LRRTM4: variants seen among roughly 807,000 people sequenced by gnomAD.
LRRTM4 encodes leucine rich repeat transmembrane neuronal 4.
In LRRTM4, 25 loss-of-function variants were observed where a neutral mutation model predicts 47.6. That is an observed-to-expected ratio of 0.53 (90% CI 0.38 to 0.73). The LOEUF is 0.73. Ranked by LOEUF, LRRTM4 falls within the 30% of genes least tolerant of loss-of-function variation. The pLI, the probability that LRRTM4 is intolerant of heterozygous loss-of-function variation, is 0.00. For missense variants in LRRTM4, 638 were observed against 713.4 expected, an observed-to-expected ratio of 0.89 and a Z score of 1.20; for synonymous variants, 311 against 269.5, an observed-to-expected ratio of 1.15 and a Z score of -1.51.
intron 3 of LRRTM4, among the ~76,000 whole-genome samples, chr2:76,898,339 A>AT (rs1673494637): frequency 6.6e-6 from 1 of 151,324 alleles, no homozygotes; most frequent in Admixed American, 6.7e-5. Flanking sequence ...TACATAGCTT[A>AT]TTTGAAAGGT....
chr2:76,753,309 C>T (rs1039073741), intron 3 of LRRTM4, among the ~76,000 whole-genome samples: 9 of 152,116 alleles, frequency 5.9e-5, no homozygotes, highest in African/African-American at 2.2e-4. Flanking sequence ...AAGGAATACA[C>T]TGAAGGGCCA....
At chr2:76,753,092 T>A (rs1282195628) in intron 3 of LRRTM4, among the ~76,000 whole-genome samples, 2 of 152,198 alleles carry the variant, frequency 1.3e-5, no homozygotes, top group African/African-American at 2.4e-5. Context: ...CACTTTAACA[T>A]AAATCACATT....
chr2:77,375,150 A>G (rs1054670749), intron 3 of LRRTM4, among the ~76,000 whole-genome samples: 1 of 151,650 alleles, frequency 6.6e-6, no homozygotes, highest in African/African-American at 2.4e-5. Context: ...TACAAATTTC[A>G]GATTTCTGCA....
chr2:76,919,888 C>T (rs1311040986), intron 3 of LRRTM4, among the ~76,000 whole-genome samples: 1 of 152,160 alleles, frequency 6.6e-6, no homozygotes, highest in Non-Finnish European at 1.5e-5. Context: ...CTTTCTCCAA[C>T]TTTAAACAGA....
At chr2:76,857,027 A>AT (rs1672172969) in intron 3 of LRRTM4, among the ~76,000 whole-genome samples, 1 of 151,914 alleles carries the variant, frequency 6.6e-6, no homozygotes, top group Non-Finnish European at 1.5e-5. Context: ...TATTTTCATT[A>AT]TTTTTTAAAA....
At chr2:77,185,145 T>A (rs1673465221) in intron 3 of LRRTM4, among the ~76,000 whole-genome samples, 1 of 152,142 alleles carries the variant, frequency 6.6e-6, no homozygotes, top group African/African-American at 2.4e-5. Context: ...TATTTAGTAA[T>A]CTTTGGAGAA....
chr2:77,027,891 C>T (rs1678509780), intron 3 of LRRTM4, among the ~76,000 whole-genome samples: 1 of 151,210 alleles, frequency 6.6e-6, no homozygotes. Context: ...TGAGAAACAG[C>T]AATACTGCTT....
intron 3 of LRRTM4, among the ~76,000 whole-genome samples, chr2:77,293,662 G>A (rs111516847): frequency 3.9e-5 from 6 of 152,220 alleles, no homozygotes; most frequent in African/African-American, 1.4e-4. Context: ...TTTTGGTGCT[G>A]ATTCACAGCC....
chr2:77,481,870 T>G lies in LRRTM4; in HGVS notation c.1551+36448A>C, dbSNP rs913897788. ...CTAACATAAAAAGAGAGTGAAGGGT[T>G]TTTTTTTTTCTTTTTTTTTTTTTAA... On this transcript the variant is annotated intron_variant, in intron 3 of 3. Transcript: ENST00000409884. 2.5e-3 allele frequency among the ~76,000 whole-genome samples: 139 copies of G among 56,358 alleles called. 2 individuals carry two copies. The highest frequency in any genetic ancestry group is 0.02 in the South Asian group (38 of 1,920). 37.0% of individuals were successfully genotyped at this position (56,358 alleles called of 152,430 possible).
intron 3 of LRRTM4, among the ~76,000 whole-genome samples, chr2:77,298,087 C>G (rs1677022255): frequency 6.6e-6 from 1 of 152,076 alleles, no homozygotes; most frequent in Admixed American, 6.6e-5. Context: ...CTCACTTATC[C>G]AAGATCAAGA....
At chr2:76,777,142 T>C (rs1381760949) in intron 3 of LRRTM4, among the ~76,000 whole-genome samples, 1 of 150,356 alleles carries the variant, frequency 6.7e-6, no homozygotes. Context: ...ACCAGTACCA[T>C]GCTGTTTTGG....
intron 3 of LRRTM4, among the ~76,000 whole-genome samples, chr2:77,040,688 A>C (rs1426361720): frequency 1.3e-5 from 2 of 151,426 alleles, no homozygotes; most frequent in Admixed American, 1.3e-4. Flanking sequence ...TAATGGGTTT[A>C]GGGGAGCAAA....
intron 3 of LRRTM4, among the ~76,000 whole-genome samples, chr2:77,403,497 C>A (rs1178340430): frequency 6.6e-6 from 1 of 151,530 alleles, no homozygotes; most frequent in Non-Finnish European, 1.5e-5. Context: ...AAATTGAGAA[C>A]CTTAAATATA....
intron 3 of LRRTM4, among the ~76,000 whole-genome samples, chr2:76,781,040 G>T (rs1363992870): frequency 6.6e-6 from 1 of 152,214 alleles, no homozygotes. Context: ...CAGTGTGCCC[G>T]TGCTTGGGGG....
intron 3 of LRRTM4, among the ~76,000 whole-genome samples, chr2:76,981,805 T>A (rs1676617763): frequency 6.6e-6 from 1 of 152,018 alleles, no homozygotes; most frequent in South Asian, 2.1e-4. Context: ...ATCTTTTTTT[T>A]TAAATCTATT....
chr2:77,349,773 G>T (rs1011240960), intron 3 of LRRTM4, among the ~76,000 whole-genome samples: 1 of 152,020 alleles, frequency 6.6e-6, no homozygotes, highest in Non-Finnish European at 1.5e-5. Context: ...TAAATTTCCA[G>T]CATATATGAA....
At chr2:77,517,343 C>T (rs1413660255) in intron 3 of LRRTM4, 1 of 983,194 alleles carries the variant, frequency 1.0e-6, no homozygotes, top group African/African-American at 1.7e-5. Context: ...AGAACTCAAA[C>T]CTCTCTCCTT....
chr2:77,068,930 C>A (rs148364675), intron 3 of LRRTM4, among the ~76,000 whole-genome samples: 1 of 151,004 alleles, frequency 6.6e-6, no homozygotes, highest in Non-Finnish European at 1.5e-5. Flanking sequence ...AAACCACAAA[C>A]AATAGCATGA....
chr2:77,364,896 A>C (rs570631041), intron 3 of LRRTM4, among the ~76,000 whole-genome samples: 1 of 152,220 alleles, frequency 6.6e-6, no homozygotes, highest in South Asian at 2.1e-4. Context: ...CAATAATTAC[A>C]TAATCCTACC....
Sources: allele counts gnomAD v4.1 joint callset (sites outside exome capture counted in the v4.1 genomes callset), GRCh38; gene constraint gnomAD v4.1.1; transcripts MANE v1.5; gene names NCBI Gene and HGNC (gene_info 2026-07-23, HGNC 2026-07-21).